OXR1: variants seen among roughly 807,000 people sequenced by gnomAD.
OXR1 encodes the protein oxidation resistance 1.
A neutral mutation model predicts 104.6 loss-of-function variants in OXR1; 41 were observed. That is an observed-to-expected ratio of 0.39 (90% CI 0.31 to 0.51). OXR1 has a LOEUF of 0.51. Ranked by LOEUF, OXR1 falls within the 20% of genes least tolerant of loss-of-function variation. OXR1 has a pLI of 0.77. For synonymous variants in OXR1, 348 were observed against 348.4 expected (o/e 1.00, Z 0.01); for missense variants, 955 against 1,031.9 (o/e 0.93, Z 1.02).
At chr8:106,492,696 G>A (rs1443999377) in intron 2 of OXR1, among the ~76,000 whole-genome samples, 1 of 152,164 alleles carries the variant, frequency 6.6e-6, no homozygotes, top group African/African-American at 2.4e-5. Flanking sequence ...TTAAGTTACT[G>A]TCTACAGGTA....
intron 11 of OXR1, among the ~76,000 whole-genome samples, chr8:106,715,507 A>G (rs915119754): frequency 1.7e-4 from 25 of 151,418 alleles, no homozygotes; most frequent in African/African-American, 5.8e-4. Context: ...TTTAGAAGGT[A>G]CTTAAAATAG....
chr8:106,717,285 C>A (rs1316983356), intron 11 of OXR1, among the ~76,000 whole-genome samples: 1 of 152,128 alleles, frequency 6.6e-6, no homozygotes, highest in East Asian at 1.9e-4. Context: ...TATTTTAAAA[C>A]AGGAAGAATT....
intron 1 of OXR1, among the ~76,000 whole-genome samples, chr8:106,280,103 A>G (rs1405129440): frequency 6.6e-6 from 1 of 152,202 alleles, no homozygotes; most frequent in Non-Finnish European, 1.5e-5. Flanking sequence ...AATAAATGAT[A>G]ATGTGCCTGC....
intron 1 of OXR1, among the ~76,000 whole-genome samples, chr8:106,351,170 A>C (rs189327762): frequency 3.2e-4 from 48 of 152,282 alleles, no homozygotes; most frequent in Admixed American, 2.4e-3. Context: ...TTAATGTAAA[A>C]CATTTATCAT....
intron 11 of OXR1, among the ~76,000 whole-genome samples, chr8:106,722,692 G>A (rs966554853): frequency 1.3e-5 from 2 of 152,148 alleles, no homozygotes; most frequent in African/African-American, 2.4e-5. Flanking sequence ...AGGCCATACC[G>A]TATAACCTGG....
chr8:106,585,491 C>T (rs994034556), intron 3 of OXR1, among the ~76,000 whole-genome samples: 1 of 152,096 alleles, frequency 6.6e-6, no homozygotes, highest in African/African-American at 2.4e-5. Flanking sequence ...TAAAATTTTA[C>T]ATTATTTCAT....
intron 3 of OXR1, among the ~76,000 whole-genome samples, chr8:106,577,846 A>G (rs1449932277): frequency 1.3e-5 from 2 of 152,170 alleles, no homozygotes; most frequent in African/African-American, 4.8e-5. Context: ...CACTTCAGGT[A>G]CGCTTGTAGT....
chr8:106,638,057 G>A (rs554280523), intron 3 of OXR1, among the ~76,000 whole-genome samples: 3 of 152,128 alleles, frequency 2.0e-5, no homozygotes, highest in African/African-American at 7.2e-5. Context: ...GAGCCACCGT[G>A]CCTGGCCCGA....
intron 16 of OXR1, among the ~76,000 whole-genome samples, chr8:106,747,581 T>C (rs1421378058): frequency 6.6e-6 from 1 of 152,216 alleles, no homozygotes; most frequent in South Asian, 2.1e-4. Flanking sequence ...ATTGCTCATA[T>C]AAAAATACAC....
chr8:106,675,309 C>A (rs1004058827), intron 3 of OXR1, among the ~76,000 whole-genome samples: 1 of 152,096 alleles, frequency 6.6e-6, no homozygotes, highest in African/African-American at 2.4e-5. Flanking sequence ...AGTCCACAAA[C>A]TTGACCTCAT....
At chr8:106,538,967 A>G (rs533565885) in intron 3 of OXR1, among the ~76,000 whole-genome samples, 14 of 152,190 alleles carry the variant, frequency 9.2e-5, no homozygotes, top group African/African-American at 2.2e-4. Flanking sequence ...GTGATATTCT[A>G]TGGCTTGCCC....
chr8:106,401,191 T>C (rs1817984192), intron 2 of OXR1, among the ~76,000 whole-genome samples: 1 of 152,134 alleles, frequency 6.6e-6, no homozygotes, highest in East Asian at 1.9e-4. Flanking sequence ...AACAACCAGG[T>C]GTACTGCTCA....
intron 3 of OXR1, among the ~76,000 whole-genome samples, chr8:106,670,422 A>G (rs1266600250): frequency 6.6e-6 from 1 of 152,228 alleles, no homozygotes; most frequent in African/African-American, 2.4e-5. Context: ...TGTTCTGCAC[A>G]CAAAATAGGC....
At chr8:106,534,281 C>CT (rs1056769874) in intron 3 of OXR1, among the ~76,000 whole-genome samples, 2 of 152,172 alleles carry the variant, frequency 1.3e-5, no homozygotes, top group African/African-American at 4.8e-5. Flanking sequence ...ACATAAAATA[C>CT]TTTTCACTAT....
intron 3 of OXR1, among the ~76,000 whole-genome samples, chr8:106,678,468 T>C (rs1232115277): frequency 6.6e-6 from 1 of 152,028 alleles, no homozygotes; most frequent in Admixed American, 6.6e-5. Flanking sequence ...TAGATTTCAT[T>C]TTAATAATTT....
At chr8:106,319,895 AG>A (rs746377142) in intron 1 of OXR1, among the ~76,000 whole-genome samples, 9 of 152,202 alleles carry the variant, frequency 5.9e-5, no homozygotes, top group Admixed American at 3.9e-4. Context: ...GAAGTTTTGC[AG>A]CACAGTCCTG....
chr8:106,276,983 A>G (rs1812073372), intron 1 of OXR1, among the ~76,000 whole-genome samples: 1 of 152,184 alleles, frequency 6.6e-6, no homozygotes, highest in Non-Finnish European at 1.5e-5. Context: ...GCCCTTGCTG[A>G]TAATTCTGTT....
chr8:106,324,301 G>A (rs112861252), intron 1 of OXR1, among the ~76,000 whole-genome samples: 19 of 152,292 alleles, frequency 1.2e-4, no homozygotes, highest in Middle Eastern at 3.4e-3. Context: ...AAAAGTGGGA[G>A]CTAAATGATA....
At chr8:106,447,935 T>C (rs1283638391) in intron 2 of OXR1, 2 of 1,533,880 alleles carry the variant, frequency 1.3e-6, no homozygotes, top group South Asian at 1.2e-5. Flanking sequence ...ACGAGACATC[T>C]AGTACGGGGC....
Sources: gnomAD v4.1 joint callset for allele counts (sites outside exome capture counted in the v4.1 genomes callset) on GRCh38, gnomAD v4.1.1 for gene constraint, MANE v1.5 for transcripts, NCBI Gene and HGNC (gene_info 2026-07-23, HGNC 2026-07-21) for gene names.